TCF12: variants seen among roughly 807,000 people sequenced by gnomAD.
TCF12 encodes the protein transcription factor 12.
TCF12 carries 45 observed loss-of-function variants against 86.0 expected under a neutral mutation model. That is an observed-to-expected ratio of 0.52 (90% CI 0.41 to 0.67). The LOEUF is 0.67. TCF12 is among the 30% of genes least tolerant of loss of function. The probability of loss-of-function intolerance (pLI) is 0.00; values close to 1 mark genes in which losing one functional copy is unlikely to be tolerated. For missense variants in TCF12, 881 were observed against 859.9 expected (o/e 1.02, Z -0.31); for synonymous variants, 330 against 299.6 (o/e 1.10, Z -1.05).
chr15:57,063,844 T>G, intron 4 of TCF12, 21 bp downstream of exon 4: 1 of 1,548,878 alleles, frequency 6.5e-7, no homozygotes, highest in Non-Finnish European at 8.8e-7. Context: ...TGATCAACCC[T>G]TGATTAAAGC....
At chr15:57,123,148 G>A (rs1028403959) in intron 5 of TCF12, among the ~76,000 whole-genome samples, 15 of 152,110 alleles carry the variant, frequency 9.9e-5, no homozygotes, top group African/African-American at 3.4e-4. Flanking sequence ...TCAAACTTTA[G>A]CTCTTTGCTA....
intron 5 of TCF12, among the ~76,000 whole-genome samples, chr15:57,098,938 G>A (rs1018379983): frequency 6.6e-6 from 1 of 152,186 alleles, no homozygotes; most frequent in East Asian, 1.9e-4. Context: ...GAGAGTGGAT[G>A]TGAGAAGTGG....
intron 19 of TCF12, among the ~76,000 whole-genome samples, chr15:57,274,808 A>G (rs1464433329): frequency 6.6e-6 from 1 of 152,232 alleles, no homozygotes; most frequent in Admixed American, 6.5e-5. Context: ...ATTCTAGTAC[A>G]CAGCACCTTT....
chr15:56,991,944 T>C (rs150968432), intron 3 of TCF12, among the ~76,000 whole-genome samples: 11 of 152,208 alleles, frequency 7.2e-5, no homozygotes, highest in Middle Eastern at 3.4e-3. Context: ...CATATGATTC[T>C]TTAGATTTCC....
At chr15:57,092,410 A>C (rs1383407617) in intron 5 of TCF12, among the ~76,000 whole-genome samples, 1 of 152,200 alleles carries the variant, frequency 6.6e-6, no homozygotes, top group Non-Finnish European at 1.5e-5. Flanking sequence ...GGTTTGAAGA[A>C]GTGAAGTTGC....
chr15:57,032,628 A>G (rs1336795717), intron 3 of TCF12, among the ~76,000 whole-genome samples: 1 of 152,104 alleles, frequency 6.6e-6, no homozygotes, highest in African/African-American at 2.4e-5. Flanking sequence ...AATTTTTTGT[A>G]GAGAGGAGGT....
chr15:57,027,154 A>G lies in TCF12; in HGVS notation c.149-36596A>G, dbSNP rs993310824. Among the ~76,000 whole-genome samples the G allele has an allele frequency of 5.3e-5, 8 of 152,318 alleles. 1 individual carries two copies. The Middle Eastern group carries it at 0.017, about 324-fold the overall frequency. ...AAGATTAGTTTTGAGATCTGTTTTG[A>G]TAGATGTATATACTCTAATCAAGAT... On this transcript the variant is annotated intron_variant, in intron 3 of 20. Transcript: ENST00000333725.
chr15:57,186,500 GA>G (rs2056674445), intron 6 of TCF12, among the ~76,000 whole-genome samples: 1 of 151,762 alleles, frequency 6.6e-6, no homozygotes, highest in African/African-American at 2.4e-5. Flanking sequence ...CCGTCTCGAA[GA>G]AAAAAAGAAA....
intron 6 of TCF12, among the ~76,000 whole-genome samples, chr15:57,168,243 A>T (rs2055046846): frequency 6.6e-6 from 1 of 152,198 alleles, no homozygotes; most frequent in African/African-American, 2.4e-5. Flanking sequence ...CAGGGCTTCC[A>T]TTTTTTTAAA....
chr15:57,135,644 T>TA (rs1297851562), intron 5 of TCF12, among the ~76,000 whole-genome samples: 3 of 152,202 alleles, frequency 2.0e-5, no homozygotes, highest in Non-Finnish European at 4.4e-5. Flanking sequence ...AAAAGCTTTT[T>TA]AAAAAAGTAT....
chr15:57,286,600 A>T lies in TCF12; in HGVS notation c.*455A>T, dbSNP rs543954050. 127 of 456,746 alleles carry T rather than the reference A, an allele frequency of 2.8e-4. 1 individual carries two copies. Among genetic ancestry groups the T allele is most frequent in the South Asian group, 1.9e-3 (120 of 64,562 alleles). 28.3% of individuals were successfully genotyped at this position (456,746 alleles called of 1,614,324 possible). A position where few individuals can be genotyped will look rare whatever the true frequency, so the allele number is the denominator to read the frequency against. On this transcript the variant is annotated 3_prime_UTR_variant, in exon 21 of 21. Coordinates refer to ENST00000333725, the MANE Select transcript of TCF12 (RefSeq NM_207037.2). Reference sequence around the variant, plus strand: ...CTACACTCAGCTGATGCCAGCATACATTAAAGCGGTTCACGTGCAGAGAAC... The same window carrying T: ...CTACACTCAGCTGATGCCAGCATACTTTAAAGCGGTTCACGTGCAGAGAAC...
intron 4 of TCF12, among the ~76,000 whole-genome samples, chr15:57,084,862 A>ACT (rs1352993290): frequency 3.3e-5 from 5 of 152,102 alleles, no homozygotes; most frequent in African/African-American, 1.2e-4. Flanking sequence ...CTTTCAATAA[A>ACT]CCTTTTACAG....
chr15:57,001,170 C>T (rs1280238496), intron 3 of TCF12, among the ~76,000 whole-genome samples: 1 of 151,904 alleles, frequency 6.6e-6, no homozygotes, highest in African/African-American at 2.4e-5. Flanking sequence ...GCATGTGCCA[C>T]CATGCCTGGC....
At chr15:56,977,308 G>A (rs375975827) in intron 3 of TCF12, among the ~76,000 whole-genome samples, 13 of 152,128 alleles carry the variant, frequency 8.5e-5, no homozygotes, top group South Asian at 4.2e-4. Flanking sequence ...CGAGGTGGGC[G>A]GATTGCTTGA....
chr15:57,244,521 A>G (rs2059770889), intron 13 of TCF12, among the ~76,000 whole-genome samples: 1 of 152,144 alleles, frequency 6.6e-6, no homozygotes, highest in South Asian at 2.1e-4. Flanking sequence ...GTGCAGTGGC[A>G]TAATCTCGGC....
At chr15:57,231,876 T>G (rs2059153781) in intron 9 of TCF12, among the ~76,000 whole-genome samples, 1 of 152,190 alleles carries the variant, frequency 6.6e-6, no homozygotes. Flanking sequence ...GTTTTACTAT[T>G]AGAAAAACTT....
chr15:57,157,182 A>G (rs538399161), intron 5 of TCF12, among the ~76,000 whole-genome samples: 2 of 152,334 alleles, frequency 1.3e-5, no homozygotes, highest in East Asian at 3.9e-4. Flanking sequence ...GTTGTAAACC[A>G]TTAAATTATT....
chr15:57,093,556 A>G (rs1475233412), intron 5 of TCF12, among the ~76,000 whole-genome samples: 1 of 152,220 alleles, frequency 6.6e-6, no homozygotes, highest in African/African-American at 2.4e-5. Flanking sequence ...GACGATTAAA[A>G]TTTTGTACGG....
chr15:57,177,813 C>T (rs2056063060), intron 6 of TCF12, among the ~76,000 whole-genome samples: 1 of 151,962 alleles, frequency 6.6e-6, no homozygotes, highest in East Asian at 1.9e-4. Context: ...CTTGACCTCC[C>T]AGGTTTGGGT....
Sources: allele counts gnomAD v4.1 joint callset (sites outside exome capture counted in the v4.1 genomes callset), GRCh38; gene constraint gnomAD v4.1.1; transcripts MANE v1.5; gene names NCBI Gene and HGNC (gene_info 2026-07-23, HGNC 2026-07-21).